The following FGF1 variants were observed in gnomAD, a reference collection of about 807,000 sequenced individuals.
The protein encoded by FGF1 is beta-endothelial cell growth factor.
A neutral mutation model predicts 13.4 loss-of-function variants in FGF1; 9 were observed. The observed-to-expected ratio is 0.67, with a 90% CI of 0.40 to 1.17. The LOEUF (loss-of-function observed/expected upper bound fraction) is 1.17. Ranked by LOEUF, FGF1 falls within the 50% of genes most tolerant of loss-of-function variation. The pLI is 0.01. For synonymous variants in FGF1, 93 were observed against 79.0 expected, an observed-to-expected ratio of 1.18 and a Z score of -0.94; for missense variants, 156 against 192.7, an observed-to-expected ratio of 0.81 and a Z score of 1.13.
chr5:142,608,542 C>CTATATA (rs369107817), intron 2 of FGF1, among the ~76,000 whole-genome samples: 124 of 75,968 alleles, frequency 1.6e-3, no homozygotes, highest in East Asian at 2.8e-3. Flanking sequence ...ATATACACAT[C>CTATATA]TATATATATA....
chr5:142,618,776 T>C (rs1196266469), intron 1 of FGF1, among the ~76,000 whole-genome samples: 1 of 152,114 alleles, frequency 6.6e-6, no homozygotes, highest in African/African-American at 2.4e-5. Context: ...TAGTGACAGT[T>C]ACTATATAGT....
chr5:142,602,860 G>A (rs1405130219), intron 2 of FGF1, among the ~76,000 whole-genome samples: 1 of 152,072 alleles, frequency 6.6e-6, no homozygotes, highest in Non-Finnish European at 1.5e-5. Flanking sequence ...TAATATGCCT[G>A]TATTTTCTTA....
chr5:142,674,921 A>T (rs1772227468), intron 1 of FGF1, among the ~76,000 whole-genome samples: 1 of 151,936 alleles, frequency 6.6e-6, no homozygotes, highest in African/African-American at 2.4e-5. Flanking sequence ...TCCTTGGCTC[A>T]CCCTCCCTCT....
rs543799148 is a variant in FGF1, at chr5:142,694,782, ACT to A, written c.-35+2838_-35+2839del. Among the ~76,000 whole-genome samples, 3 of 151,722 alleles carry A rather than the reference ACT, an allele frequency of 2.0e-5. No homozygotes were observed. In the East Asian group the frequency reaches 5.8e-4, roughly 29 times the overall value. On this transcript the variant is annotated intron_variant, in intron 2 of 4. Coordinates refer to the FGF1 transcript ENST00000407758. The stretch of plus-strand genomic sequence containing the variant: ...CCCCCGTTTAATTAAAAAGCACCCT[ACT>A]CTCTGCAGAGTCCCAGAGACACCTC...
chr5:142,620,993 C>T (rs1761469114), intron 1 of FGF1, among the ~76,000 whole-genome samples: 1 of 152,194 alleles, frequency 6.6e-6, no homozygotes, highest in African/African-American at 2.4e-5. Context: ...TTTTCTCCAG[C>T]CTCACTTCTG....
intron 1 of FGF1, among the ~76,000 whole-genome samples, chr5:142,653,975 C>T (rs996872292): frequency 6.6e-6 from 1 of 152,126 alleles, no homozygotes; most frequent in Admixed American, 6.5e-5. Context: ...ACCTGTAGTC[C>T]CGGCTACTCG....
intron 1 of FGF1, among the ~76,000 whole-genome samples, chr5:142,681,109 T>C (rs1042180069): frequency 6.6e-6 from 1 of 152,188 alleles, no homozygotes; most frequent in African/African-American, 2.4e-5. Flanking sequence ...GGCACGCCCC[T>C]CACACCTGTT....
chr5:142,694,957 G>T (rs796400437), intron 2 of FGF1, among the ~76,000 whole-genome samples: 23 of 152,248 alleles, frequency 1.5e-4, no homozygotes, highest in African/African-American at 5.3e-4. Flanking sequence ...ACTTCTTCCT[G>T]CTCTCTGACC....
chr5:142,674,706 CCT>C (rs1772180023), intron 1 of FGF1, among the ~76,000 whole-genome samples: 1 of 152,110 alleles, frequency 6.6e-6, no homozygotes, highest in Admixed American at 6.5e-5. Context: ...TCACCAGAAG[CCT>C]CTCTCTGGAT....
In FGF1 at chr5:142,594,495, C is replaced by T. The variant is rs1345646073; in HGVS notation, c.*795G>A. The T allele has an allele frequency of 1.3e-5, 2 of 152,320 alleles. No homozygotes were observed. Among genetic ancestry groups the T allele is most frequent in the African/African-American group, 2.4e-5 (1 of 41,446 alleles). The allele number at this position is 152,320 out of a possible 1,614,324, so 9.4% of individuals were successfully genotyped here. A position where few individuals can be genotyped will look rare whatever the true frequency, so the allele number is the denominator to read the frequency against. ...GCCAGTTTCCCTTTCTTTCTCTGCA[C>T]TCCCACACTCAGTCCCCAGATCCAC... On this transcript the variant is annotated 3_prime_UTR_variant, in exon 4 of 4. Coordinates refer to ENST00000337706, the MANE Select transcript of FGF1 (RefSeq NM_000800.5).
intron 2 of FGF1, among the ~76,000 whole-genome samples, chr5:142,694,974 C>T (rs1306776975): frequency 6.6e-6 from 1 of 152,168 alleles, no homozygotes; most frequent in East Asian, 1.9e-4. Flanking sequence ...GACCCATCAC[C>T]TGTGCCCTTT....
rs1259042280 is a variant in FGF1, at chr5:142,695,179, C to G, written c.-35+2443G>C. Among the ~76,000 whole-genome samples the G allele has an allele frequency of 3.3e-5, 5 of 152,124 alleles. No homozygotes were observed. In the South Asian group the frequency reaches 8.3e-4, roughly 25 times the overall value. On this transcript the variant is annotated intron_variant, in intron 2 of 4. Coordinates refer to the FGF1 transcript ENST00000407758. ...TAAATGGGATAATAGCAGTACTTGC[C>G]TCGTAGGGTCATTGTGAGGATTACC... is the stretch of plus-strand genomic sequence containing the variant.
chr5:142,626,935 A>C (rs1003795550), intron 1 of FGF1: 3 of 152,230 alleles, frequency 2.0e-5, no homozygotes, highest in Non-Finnish European at 4.4e-5. Flanking sequence ...AAACCAGGCA[A>C]GTCATGTAAC....
chr5:142,595,190 G>C lies in FGF1; in HGVS notation c.*100C>G. ...TTACAAATTCAGGCTCTGTGGGCTG[G>C]GGGTTAGCGCAGCCAATGGTCAAGG... On this transcript the variant is annotated 3_prime_UTR_variant, in exon 4 of 4. Coordinates refer to ENST00000337706, the MANE Select transcript of FGF1 (RefSeq NM_000800.5). 3 of 938,390 alleles carry C rather than the reference G, an allele frequency of 3.2e-6. No individual in the cohort carries two copies. In the South Asian group the frequency reaches 4.9e-5, roughly 15 times the overall value. 58.1% of individuals were successfully genotyped at this position (938,390 alleles called of 1,614,324 possible).
chr5:142,675,078 G>A (rs1046828256), intron 1 of FGF1, among the ~76,000 whole-genome samples: 6 of 152,266 alleles, frequency 3.9e-5, no homozygotes, highest in East Asian at 3.9e-4. Context: ...TCAATGGGTC[G>A]TTAGAAACAA....
chr5:142,647,018 C>G (rs1766281389), intron 1 of FGF1, among the ~76,000 whole-genome samples: 1 of 152,198 alleles, frequency 6.6e-6, no homozygotes, highest in South Asian at 2.1e-4. Flanking sequence ...CACCCAATAC[C>G]AGTTTCCAGG....
chr5:142,625,292 G>C (rs6891362), intron 1 of FGF1, among the ~76,000 whole-genome samples: 1 of 145,170 alleles, frequency 6.9e-6, no homozygotes, highest in East Asian at 2.1e-4. Context: ...ACTTCATAAC[G>C]AAGAGAGAGA....
At chr5:142,645,986 G>A (rs1053732856) in intron 1 of FGF1, among the ~76,000 whole-genome samples, 3 of 152,084 alleles carry the variant, frequency 2.0e-5, no homozygotes, top group African/African-American at 7.2e-5. Context: ...TTGGCTCATT[G>A]CAAGCTCTGC....
At chr5:142,664,126 C>T (rs1769829628) in intron 1 of FGF1, among the ~76,000 whole-genome samples, 1 of 152,182 alleles carries the variant, frequency 6.6e-6, no homozygotes, top group Admixed American at 6.5e-5. Flanking sequence ...CAAGTGAGCC[C>T]AAGCACAGAT....
Sources: gnomAD v4.1 joint callset for allele counts (sites outside exome capture counted in the v4.1 genomes callset) on GRCh38, gnomAD v4.1.1 for gene constraint, MANE v1.5 for transcripts, NCBI Gene and HGNC (gene_info 2026-07-23, HGNC 2026-07-21) for gene names.